The following ZZZ3 variants were observed in gnomAD, a reference collection of about 807,000 sequenced individuals.
ZZZ3 encodes the protein zinc finger ZZ-type containing 3, also known as ZZ-type zinc finger-containing protein 3.
ZZZ3 carries 22 observed loss-of-function variants against 95.2 expected under a neutral mutation model. That is an observed-to-expected ratio of 0.23 (90% confidence interval 0.17 to 0.33). The LOEUF is 0.33. Among genes scored for constraint, ZZZ3 ranks in the 10% least tolerant of loss-of-function variants. ZZZ3 has a pLI of 1.00. For synonymous variants in ZZZ3, 335 were observed against 358.9 expected (o/e 0.93, Z 0.75); for missense variants, 885 against 1,066.5 (o/e 0.83, Z 2.37).
At chr1:77,647,402 C>T (rs1001644293) in intron 1 of ZZZ3, among the ~76,000 whole-genome samples, 2 of 151,974 alleles carry the variant, frequency 1.3e-5, no homozygotes, top group Non-Finnish European at 2.9e-5. Context: ...ACCTGTGGTG[C>T]CACCTACTCA....
intron 1 of ZZZ3, among the ~76,000 whole-genome samples, chr1:77,665,449 A>T (rs142763334): frequency 4.6e-5 from 7 of 152,346 alleles, no homozygotes; most frequent in Middle Eastern, 3.4e-3. Flanking sequence ...GTCCATGATT[A>T]ATTAGAATAT....
At chr1:77,570,266 C>A (rs1661245911) in intron 12 of ZZZ3, among the ~76,000 whole-genome samples, 1 of 152,166 alleles carries the variant, frequency 6.6e-6, no homozygotes, top group Admixed American at 6.5e-5. Context: ...CCACACCCAG[C>A]TAATTTTTTT....
At chr1:77,621,756 G>A (rs543613273) in intron 5 of ZZZ3, among the ~76,000 whole-genome samples, 3 of 152,004 alleles carry the variant, frequency 2.0e-5, no homozygotes, top group Non-Finnish European at 4.4e-5. Context: ...AATCGAGGCT[G>A]CGGTAAGGCA....
At chr1:77,656,947 T>A (rs1670320048) in intron 1 of ZZZ3, among the ~76,000 whole-genome samples, 1 of 152,212 alleles carries the variant, frequency 6.6e-6, no homozygotes, top group Non-Finnish European at 1.5e-5. Context: ...CCTTGTTTTA[T>A]CTGTACTTTT....
At chr1:77,579,972 GA>G (rs1266935095) in intron 9 of ZZZ3, 1 of 155,896 alleles carries the variant, frequency 6.4e-6, no homozygotes, top group East Asian at 1.9e-4. Context: ...TGAAATCCAA[GA>G]AAAGATGGTC....
chr1:77,681,002 A>G (rs1172735272), intron 1 of ZZZ3, among the ~76,000 whole-genome samples: 2 of 152,220 alleles, frequency 1.3e-5, no homozygotes, highest in Non-Finnish European at 2.9e-5. Context: ...GTACAAACAA[A>G]AAAAATCTGC....
At chr1:77,581,167 T>C (rs1662481236) in intron 8 of ZZZ3, 98 bp from the exon 9 acceptor site, 1 of 957,948 alleles carries the variant, frequency 1.0e-6, no homozygotes, top group Non-Finnish European at 1.6e-6. Flanking sequence ...TTAAATTAAT[T>C]TCAAAATATT....
intron 8 of ZZZ3, 58 bp from the exon 9 acceptor site, chr1:77,581,127 T>G: frequency 1.5e-6 from 2 of 1,312,014 alleles, no homozygotes; most frequent in Non-Finnish European, 2.2e-6. Context: ...TCCTTTGATA[T>G]AGCCAAATAA....
chr1:77,602,450 G>C (rs1249610633), intron 5 of ZZZ3, among the ~76,000 whole-genome samples: 1 of 151,732 alleles, frequency 6.6e-6, no homozygotes, highest in Non-Finnish European at 1.5e-5. Flanking sequence ...TAAAGCATTG[G>C]GGTTGACCAC....
At chr1:77,604,439 T>C (rs184985308) in intron 5 of ZZZ3, among the ~76,000 whole-genome samples, 6 of 152,318 alleles carry the variant, frequency 3.9e-5, no homozygotes, top group Non-Finnish European at 1.5e-5. Flanking sequence ...GGTACAAAGA[T>C]AATATATAAT....
At chr1:77,572,800 C>T (rs1259147300) in intron 12 of ZZZ3, among the ~76,000 whole-genome samples, 1 of 151,854 alleles carries the variant, frequency 6.6e-6, no homozygotes, top group African/African-American at 2.4e-5. Flanking sequence ...CCATGCCAGG[C>T]TGATAATTTT....
intron 5 of ZZZ3, among the ~76,000 whole-genome samples, chr1:77,630,915 A>G (rs548334610): frequency 3.3e-5 from 5 of 152,372 alleles, no homozygotes; most frequent in African/African-American, 1.2e-4. Context: ...ATTTATGTAC[A>G]GTCTATATAA....
At chr1:77,674,624 A>T (rs1486602383) in intron 1 of ZZZ3, among the ~76,000 whole-genome samples, 2 of 152,150 alleles carry the variant, frequency 1.3e-5, no homozygotes, top group African/African-American at 4.8e-5. Context: ...ATCTTTATTT[A>T]AAAAGAAGGA....
chr1:77,654,364 A>G lies in ZZZ3; in HGVS notation c.-402-12709T>C, dbSNP rs148593947. On this transcript the variant is annotated intron_variant, in intron 1 of 14. Transcript: ENST00000370801. ...GAAAACTGAAGAGGAACATTTCCCA[A>G]CTCATTCCATGAGGCCAGGATTAGT... 4.9e-4 allele frequency among the ~76,000 whole-genome samples: 74 copies of G among 152,226 alleles called. No individual in the cohort carries two copies. The East Asian group carries it at 0.012, about 25-fold the overall frequency.
At chr1:77,576,810 A>C (rs1041074579) in intron 11 of ZZZ3, among the ~76,000 whole-genome samples, 3 of 152,174 alleles carry the variant, frequency 2.0e-5, no homozygotes, top group Admixed American at 6.5e-5. Flanking sequence ...ATGTTTTAAG[A>C]AAGTTTACCA....
intron 5 of ZZZ3, among the ~76,000 whole-genome samples, chr1:77,594,566 A>G (rs1241941820): frequency 6.6e-6 from 1 of 152,086 alleles, no homozygotes; most frequent in Non-Finnish European, 1.5e-5. Context: ...TGACTCTTCA[A>G]TGACGACAGT....
At chr1:77,615,510 T>G (rs557725075) in intron 5 of ZZZ3, among the ~76,000 whole-genome samples, 1 of 152,350 alleles carries the variant, frequency 6.6e-6, no homozygotes, top group South Asian at 2.1e-4. Context: ...AAAATGCCTA[T>G]GGAGTTGTTC....
chr1:77,675,041 G>A (rs1672132606), intron 1 of ZZZ3, among the ~76,000 whole-genome samples: 1 of 151,904 alleles, frequency 6.6e-6, no homozygotes, highest in East Asian at 1.9e-4. Flanking sequence ...CATAGGTTTG[G>A]GGTGGAGAGT....
intron 3 of ZZZ3, among the ~76,000 whole-genome samples, chr1:77,640,294 T>C (rs1570582169): frequency 6.6e-6 from 1 of 152,106 alleles, no homozygotes. Context: ...TAATTTATTA[T>C]GATATCCTTT....
Sources: allele counts gnomAD v4.1 joint callset (sites outside exome capture counted in the v4.1 genomes callset), GRCh38; gene constraint gnomAD v4.1.1; transcripts MANE v1.5; gene names NCBI Gene and HGNC (gene_info 2026-07-23, HGNC 2026-07-21).